COPG2: variants seen among roughly 807,000 people sequenced by gnomAD.
The protein encoded by COPG2 is coatomer subunit gamma-2.
In COPG2, 37 loss-of-function variants were observed where a neutral mutation model predicts 46.3. The observed-to-expected ratio is 0.80, with a 90% CI of 0.61 to 1.05. COPG2 has a LOEUF of 1.05. Ranked by LOEUF, COPG2 falls within the 50% of genes least tolerant of loss-of-function variation. The pLI, the probability that COPG2 is intolerant of heterozygous loss-of-function variation, is 0.00. For missense variants in COPG2, 427 were observed against 387.8 expected, an observed-to-expected ratio of 1.10 and a Z score of -0.85; for synonymous variants, 159 against 129.7, an observed-to-expected ratio of 1.23 and a Z score of -1.53.
rs1239021125 is a variant in COPG2, at chr7:130,563,334, G to T, written c.874C>A (p.Leu292Ile). The T allele has an allele frequency of 2.5e-6, 1 of 396,230 alleles. No individual in the cohort carries two copies. Among genetic ancestry groups the T allele is most frequent in the Non-Finnish European group, 4.4e-6 (1 of 225,318 alleles). 24.5% of individuals were successfully genotyped at this position (396,230 alleles called of 1,614,324 possible). ...ARELAPAVSV[L>I]QLFCSSPKPA... ...TTAGGAGAACTACAGAAAAGTTGAA[G>T]AACTAAAAAAAAATAATAATAATAA... The change falls in exon 11 of 24, where the codon CTT becomes ATT. Residue 292 changes from leucine (L) to isoleucine (I), a missense_variant and splice_region_variant. By Grantham distance (5) the Leu-to-Ile change is conservative. Coordinates refer to ENST00000425248, the MANE Select transcript of COPG2 (RefSeq NM_012133.6).
At chr7:130,632,918 C>T (rs1349782791) in intron 5 of COPG2, among the ~76,000 whole-genome samples, 2 of 152,062 alleles carry the variant, frequency 1.3e-5, no homozygotes, top group Non-Finnish European at 2.9e-5. Flanking sequence ...AGACAGGCCC[C>T]GGTGTGTGAT....
At chr7:130,657,193 C>T (rs3857855) in intron 4 of COPG2, among the ~76,000 whole-genome samples, 120,761 of 151,868 alleles carry the variant, frequency 0.8, 48,306 homozygotes, top group Non-Finnish European at 0.85. Flanking sequence ...AATGTGCCAA[C>T]GTGCCAATGT....
chr7:130,558,073 T>C (rs1793660774), intron 12 of COPG2, among the ~76,000 whole-genome samples: 1 of 152,032 alleles, frequency 6.6e-6, no homozygotes. Context: ...CTGAAATTAC[T>C]GGGGCAAAGA....
At chr7:130,507,047 G>C (rs1799506362) in intron 23 of COPG2, among the ~76,000 whole-genome samples, 1 of 152,180 alleles carries the variant, frequency 6.6e-6, no homozygotes, top group Non-Finnish European at 1.5e-5. Context: ...AAGGAATGTT[G>C]GTGGTGGCCT....
chr7:130,538,758 T>C (rs1173850289), intron 20 of COPG2, among the ~76,000 whole-genome samples: 1 of 151,952 alleles, frequency 6.6e-6, no homozygotes, highest in Non-Finnish European at 1.5e-5. Flanking sequence ...TAGAGGGAAC[T>C]AATGGAGAGA....
At chr7:130,604,246 T>C (rs1246178395) in intron 9 of COPG2, among the ~76,000 whole-genome samples, 1 of 152,198 alleles carries the variant, frequency 6.6e-6, no homozygotes, top group East Asian at 1.9e-4. Context: ...TGGTTATTTA[T>C]AAGAAGCCAA....
At chr7:130,575,872 T>A (rs1186024713) in intron 9 of COPG2, among the ~76,000 whole-genome samples, 1 of 152,092 alleles carries the variant, frequency 6.6e-6, no homozygotes, top group Non-Finnish European at 1.5e-5. Flanking sequence ...GGTGCCTTTA[T>A]GAAATACCTC....
intron 5 of COPG2, among the ~76,000 whole-genome samples, chr7:130,631,294 A>G (rs1795225944): frequency 6.7e-6 from 1 of 149,898 alleles, no homozygotes; most frequent in Non-Finnish European, 1.5e-5. Flanking sequence ...AGTAACTGGG[A>G]TTACAGGCAC....
intron 9 of COPG2, among the ~76,000 whole-genome samples, chr7:130,567,301 A>T (rs1793820450): frequency 2.6e-5 from 4 of 152,200 alleles, no homozygotes; most frequent in Admixed American, 2.6e-4. Flanking sequence ...GGTACCAAGA[A>T]GTTTGAGATT....
intron 4 of COPG2, among the ~76,000 whole-genome samples, chr7:130,657,892 T>C (rs998972831): frequency 3.9e-5 from 6 of 152,088 alleles, no homozygotes; most frequent in Admixed American, 3.3e-4. Flanking sequence ...AAAACGACAA[T>C]ACAAAGTGCT....
chr7:130,595,343 C>T (rs1021943619), intron 9 of COPG2, among the ~76,000 whole-genome samples: 6 of 152,132 alleles, frequency 3.9e-5, no homozygotes, highest in Non-Finnish European at 7.4e-5. Flanking sequence ...TTTGTATTTT[C>T]CAGGGCGAGA....
At chr7:130,630,859 T>C (rs1267548877) in intron 5 of COPG2, among the ~76,000 whole-genome samples, 1 of 152,224 alleles carries the variant, frequency 6.6e-6, no homozygotes, top group African/African-American at 2.4e-5. Context: ...ATAGGCAGCA[T>C]AAAGTTGGAT....
chr7:130,586,424 T>C (rs1197738312), intron 9 of COPG2, among the ~76,000 whole-genome samples: 1 of 151,988 alleles, frequency 6.6e-6, no homozygotes, highest in Admixed American at 6.6e-5. Context: ...AGAACTTACT[T>C]GTGTAACCAA....
chr7:130,651,419 C>T (rs1354004184), intron 5 of COPG2, among the ~76,000 whole-genome samples: 4 of 151,108 alleles, frequency 2.6e-5, no homozygotes, highest in East Asian at 3.9e-4. Flanking sequence ...CAGGCTCCAG[C>T]GATTCTCCCG....
At chr7:130,660,249 T>C (rs1795950734) in intron 4 of COPG2, among the ~76,000 whole-genome samples, 1 of 152,212 alleles carries the variant, frequency 6.6e-6, no homozygotes, top group Non-Finnish European at 1.5e-5. Flanking sequence ...ACTCTGGTCA[T>C]TATTCATAAC....
chr7:130,656,061 A>T (rs148913580), intron 4 of COPG2, among the ~76,000 whole-genome samples: 12 of 152,182 alleles, frequency 7.9e-5, no homozygotes, highest in African/African-American at 2.6e-4. Context: ...TTTGTAAATG[A>T]TCTTTGTGCT....
chr7:130,656,996 T>C (rs1278983996), intron 4 of COPG2, among the ~76,000 whole-genome samples: 1 of 149,748 alleles, frequency 6.7e-6, no homozygotes, highest in Non-Finnish European at 1.5e-5. Context: ...CATATTTCTA[T>C]ATTATCTATA....
intron 5 of COPG2, among the ~76,000 whole-genome samples, chr7:130,651,811 C>T (rs544578719): frequency 3.5e-4 from 53 of 151,698 alleles, no homozygotes; most frequent in African/African-American, 7.3e-4. Context: ...CCACCGCGCC[C>T]GGCCAATTTT....
At chr7:130,611,226 T>G (rs1794843194) in intron 8 of COPG2, 116 bp from the exon 9 acceptor site, 1 of 908,876 alleles carries the variant, frequency 1.1e-6, no homozygotes, top group Non-Finnish European at 1.6e-6. Context: ...CCAGGTCACA[T>G]GTACACAAAT....
Sources: gnomAD v4.1 joint callset for allele counts (sites outside exome capture counted in the v4.1 genomes callset) on GRCh38, gnomAD v4.1.1 for gene constraint, MANE v1.5 for transcripts, NCBI Gene and HGNC (gene_info 2026-07-23, HGNC 2026-07-21) for gene names.